The following IKZF1 variants were observed in gnomAD, a reference collection of about 807,000 sequenced individuals.
IKZF1 encodes the protein IKAROS family zinc finger 1.
Under a neutral mutation model 51.7 loss-of-function variants are expected in IKZF1, and 10 were observed. That is an observed-to-expected ratio of 0.19 (90% CI 0.12 to 0.33). IKZF1 has a LOEUF of 0.33. IKZF1 is among the 10% of genes least tolerant of loss of function. The probability of loss-of-function intolerance (pLI) is 1.00; values close to 1 mark genes in which losing one functional copy is unlikely to be tolerated. For synonymous variants in IKZF1, 280 were observed against 282.3 expected, an observed-to-expected ratio of 0.99 and a Z score of 0.08; for missense variants, 484 against 707.5, an observed-to-expected ratio of 0.68 and a Z score of 3.58.
intron 3 of IKZF1, among the ~76,000 whole-genome samples, chr7:50,372,402 C>T (rs1328036104): frequency 1.3e-5 from 2 of 152,236 alleles, no homozygotes; most frequent in African/African-American, 4.8e-5. Flanking sequence ...TCTTAGACTT[C>T]ACCAACCTTT....
At chr7:50,360,723 C>G (rs77118685) in intron 3 of IKZF1, among the ~76,000 whole-genome samples, 2 of 152,380 alleles carry the variant, frequency 1.3e-5, no homozygotes, top group East Asian at 1.9e-4. Context: ...GACACTCTGA[C>G]GACTGCCGAG....
At chr7:50,399,270 C>T (rs1275970961) in intron 7 of IKZF1, among the ~76,000 whole-genome samples, 1 of 152,120 alleles carries the variant, frequency 6.6e-6, no homozygotes, top group Admixed American at 6.5e-5. Context: ...AGTATCCCTT[C>T]CACTCTCATC....
intron 3 of IKZF1, among the ~76,000 whole-genome samples, chr7:50,334,487 A>C (rs1435857666): frequency 6.6e-6 from 1 of 151,230 alleles, no homozygotes; most frequent in Non-Finnish European, 1.5e-5. Context: ...TGTGTGTCAT[A>C]TGTTTGTGTG....
chr7:50,398,823 G>A (rs771438484), intron 7 of IKZF1, among the ~76,000 whole-genome samples: 2 of 152,208 alleles, frequency 1.3e-5, no homozygotes, highest in African/African-American at 2.4e-5. Context: ...GAACACAGCC[G>A]CAGTCTTGCC....
chr7:50,317,781 G>T (rs1409455644), intron 1 of IKZF1, among the ~76,000 whole-genome samples: 1 of 152,168 alleles, frequency 6.6e-6, no homozygotes, highest in East Asian at 1.9e-4. Context: ...TATATGGAGT[G>T]ATAGATATAT....
At position 50,376,903 on chromosome 7, in the gene IKZF1, G is replaced by GTAGC; in HGVS notation, c.421+112_421+115dup. 6.7e-7 allele frequency: 1 copy of GTAGC among 1,491,308 alleles called. No individual in the cohort carries two copies. Among genetic ancestry groups the GTAGC allele is most frequent in the Non-Finnish European group, 8.9e-7 (1 of 1,118,186 alleles). The allele number at this position is 1,491,308 out of a possible 1,614,324, so 92.4% of individuals were successfully genotyped here. On this transcript the variant is annotated intron_variant, in intron 4 of 7. Coordinates refer to ENST00000331340, the MANE Select transcript of IKZF1 (RefSeq NM_006060.6). The surrounding 1 kb of genome is among the most constrained non-coding windows in gnomAD (Gnocchi z 4.5). ...TTCTGAGCATGTTTCTAATTGACTG[G>GTAGC]TAGCTCAGTTGTTGCAAGCGATTGG...
intron 4 of IKZF1, among the ~76,000 whole-genome samples, chr7:50,377,954 G>A (rs1024529456): frequency 1.3e-5 from 2 of 152,284 alleles, no homozygotes; most frequent in Middle Eastern, 3.4e-3. Flanking sequence ...TATTTTAAAG[G>A]CCTAGCAGAT....
chr7:50,312,576 G>T (rs1790458987), intron 1 of IKZF1, among the ~76,000 whole-genome samples: 1 of 152,168 alleles, frequency 6.6e-6, no homozygotes, highest in South Asian at 2.1e-4. Flanking sequence ...TGAAACAGGT[G>T]GCTCCACTGT....
chr7:50,365,510 T>G (rs183305009), intron 3 of IKZF1, among the ~76,000 whole-genome samples: 1 of 152,330 alleles, frequency 6.6e-6, no homozygotes, highest in Non-Finnish European at 1.5e-5. Flanking sequence ...GACATACATG[T>G]GGCCCACAAT....
chr7:50,322,679 A>G (rs1793725409), intron 2 of IKZF1, among the ~76,000 whole-genome samples: 1 of 152,168 alleles, frequency 6.6e-6, no homozygotes, highest in Admixed American at 6.5e-5. Flanking sequence ...AATACGTGTT[A>G]TACCTATGCA....
intron 1 of IKZF1, among the ~76,000 whole-genome samples, chr7:50,312,377 A>C (rs778332032): frequency 6.6e-6 from 1 of 152,152 alleles, no homozygotes; most frequent in Non-Finnish European, 1.5e-5. Flanking sequence ...GTGCACCCCT[A>C]TGAGAGGGTA....
chr7:50,344,611 G>A (rs746640412), intron 3 of IKZF1, among the ~76,000 whole-genome samples: 1 of 152,194 alleles, frequency 6.6e-6, no homozygotes, highest in African/African-American at 2.4e-5. Flanking sequence ...TTATACTCCC[G>A]TTATTTTGTA....
intron 6 of IKZF1, among the ~76,000 whole-genome samples, chr7:50,390,235 C>A (rs1240825639): frequency 6.6e-6 from 1 of 152,104 alleles, no homozygotes; most frequent in Admixed American, 6.5e-5. Context: ...CGCCATGGTG[C>A]AGAGGAAGAC....
chr7:50,393,563 G>A (rs111924373), intron 7 of IKZF1, among the ~76,000 whole-genome samples: 4 of 152,198 alleles, frequency 2.6e-5, no homozygotes, highest in Non-Finnish European at 5.9e-5. Flanking sequence ...GAGGAGCAAG[G>A]GAGAGAAGGA....
chr7:50,308,102 G>A (rs1789251491), intron 1 of IKZF1, among the ~76,000 whole-genome samples: 1 of 152,066 alleles, frequency 6.6e-6, no homozygotes, highest in African/African-American at 2.4e-5. Context: ...TTAAATGTTT[G>A]GTAATATTCC....
intron 1 of IKZF1, among the ~76,000 whole-genome samples, chr7:50,317,582 G>A (rs1038744525): frequency 1.3e-5 from 2 of 152,046 alleles, no homozygotes; most frequent in Non-Finnish European, 2.9e-5. Flanking sequence ...TACTTTTTCT[G>A]TACAGTGGCC....
chr7:50,371,392 A>G (rs1808629262), intron 3 of IKZF1, among the ~76,000 whole-genome samples: 1 of 152,350 alleles, frequency 6.6e-6, no homozygotes, highest in East Asian at 1.9e-4. Context: ...TCACAACTGC[A>G]TGTGTTCACT....
intron 3 of IKZF1, among the ~76,000 whole-genome samples, chr7:50,349,531 T>G (rs1801290052): frequency 6.6e-6 from 1 of 152,114 alleles, no homozygotes; most frequent in African/African-American, 2.4e-5. Flanking sequence ...GAAGAGCAGG[T>G]TTAGCCATGG....
At chr7:50,335,708 G>A (rs1459950500) in intron 3 of IKZF1, among the ~76,000 whole-genome samples, 2 of 150,822 alleles carry the variant, frequency 1.3e-5, no homozygotes, top group African/African-American at 4.9e-5. Context: ...TTTATGGGAT[G>A]TGTGCTGTGT....
Sources: allele counts gnomAD v4.1 joint callset (sites outside exome capture counted in the v4.1 genomes callset), GRCh38; gene constraint gnomAD v4.1.1; non-coding constraint Gnocchi (gnomAD v3.1); transcripts MANE v1.5; gene names NCBI Gene and HGNC (gene_info 2026-07-23, HGNC 2026-07-21).